DRC9: variants seen among roughly 807,000 people sequenced by gnomAD.
DRC9 encodes the protein dynein regulatory complex subunit 9.
chr3:197,900,864 A>G, the DRC9 span, among the ~76,000 whole-genome samples: 2 of 152,164 alleles, frequency 1.3e-5, no homozygotes, highest in Admixed American at 1.3e-4. This position sits in a 1 kb window ranked among gnomAD's most constrained non-coding sequence, Gnocchi z 4.7. Context: ...ACTGCCTTGT[A>G]GGGGAGGGCC....
the DRC9 span, chr3:197,926,135 G>C: frequency 7.7e-5 from 99 of 1,281,404 alleles, no homozygotes; most frequent in East Asian, 2.1e-3. Flanking sequence ...TTTGTGTTTA[G>C]AGCAGTGCTT....
At chr3:197,920,327 G>C in the DRC9 span, among the ~76,000 whole-genome samples, 1 of 146,840 alleles carries the variant, frequency 6.8e-6, no homozygotes, top group African/African-American at 2.7e-5. Flanking sequence ...AGTAATCCTA[G>C]TTACTTGGGA....
chr3:197,950,871 G>T, the DRC9 span: 1 of 1,504,324 alleles, frequency 6.6e-7, no homozygotes, highest in South Asian at 1.1e-5. Context: ...GGGCTTAAAC[G>T]AGAGGGGACG....
At chr3:197,953,514 GTCTT>G in the DRC9 span, 1 of 456,546 alleles carries the variant, frequency 2.2e-6, no homozygotes, top group Non-Finnish European at 4.4e-6. Context: ...GGTGTCTTCA[GTCTT>G]TCTTCCGGCC....
chr3:197,924,814 G>A, the DRC9 span, among the ~76,000 whole-genome samples: 12 of 152,164 alleles, frequency 7.9e-5, no homozygotes, highest in African/African-American at 2.4e-4. Flanking sequence ...CACCGCGCCC[G>A]GCCATCCTCT....
the DRC9 span, chr3:197,912,815 G>A: frequency 2.3e-6 from 3 of 1,314,272 alleles, no homozygotes; most frequent in African/African-American, 2.9e-5. Flanking sequence ...TTCTCAAGAT[G>A]AGAGCAGCAG....
the DRC9 span, among the ~76,000 whole-genome samples, chr3:197,943,539 T>C: frequency 6.6e-6 from 1 of 151,434 alleles, no homozygotes; most frequent in Non-Finnish European, 1.5e-5. Context: ...CCCAGGAGGC[T>C]GAGGTGGGAG....
At chr3:197,932,271 T>C in the DRC9 span, 2 of 1,612,258 alleles carry the variant, frequency 1.2e-6, no homozygotes, top group South Asian at 1.1e-5. Flanking sequence ...AACTCCTTAA[T>C]GGTATCTGCA....
chr3:197,893,328 G>A, the DRC9 span, among the ~76,000 whole-genome samples: 9 of 128,546 alleles, frequency 7.0e-5, no homozygotes, highest in Non-Finnish European at 1.4e-4. Context: ...TTGCACTCCA[G>A]CCTGGGCAAT....
the DRC9 span, among the ~76,000 whole-genome samples, chr3:197,904,023 CATATATAT>C: frequency 1.0e-5 from 1 of 96,440 alleles, no homozygotes; most frequent in Admixed American, 9.2e-5. Context: ...TATATACATA[CATATATAT>C]ATACATACAT....
At chr3:197,957,891 A>C in the DRC9 span, 1 of 152,232 alleles carries the variant, frequency 6.6e-6, no homozygotes, top group African/African-American at 2.4e-5. Context: ...AGAGGAAGAA[A>C]TAGGGCGGCA....
the DRC9 span, chr3:197,932,210 C>G: frequency 6.2e-7 from 1 of 1,613,332 alleles, no homozygotes; most frequent in South Asian, 1.1e-5. Context: ...TTTGTTTTCC[C>G]TCTCTTTGCT....
chr3:197,926,218 T>C, the DRC9 span: 1 of 657,538 alleles, frequency 1.5e-6, no homozygotes, highest in Non-Finnish European at 2.8e-6. Flanking sequence ...CCCCAGAGAA[T>C]CTGACTCAGC....
At chr3:197,899,714 G>C in the DRC9 span, among the ~76,000 whole-genome samples, 3 of 152,054 alleles carry the variant, frequency 2.0e-5, no homozygotes, top group African/African-American at 7.2e-5. Context: ...CAGAGTGAGA[G>C]GGCGAAATAG....
the DRC9 span, chr3:197,955,979 G>A: frequency 5.3e-6 from 3 of 566,190 alleles, no homozygotes; most frequent in South Asian, 3.9e-5. Flanking sequence ...GTTTTAATGC[G>A]AGTATCTTTG....
the DRC9 span, among the ~76,000 whole-genome samples, chr3:197,937,505 C>T: frequency 6.6e-6 from 1 of 151,372 alleles, no homozygotes; most frequent in South Asian, 2.1e-4. Flanking sequence ...TGCTCTGTCA[C>T]CCAGGCTGGA....
chr3:197,946,239 T>TC, the DRC9 span, among the ~76,000 whole-genome samples: 1 of 151,654 alleles, frequency 6.6e-6, no homozygotes, highest in African/African-American at 2.4e-5. Flanking sequence ...ATCGAGACCA[T>TC]CCTGGCTAAC....
At chr3:197,922,089 G>C in the DRC9 span, among the ~76,000 whole-genome samples, 1 of 152,164 alleles carries the variant, frequency 6.6e-6, no homozygotes, top group African/African-American at 2.4e-5. Flanking sequence ...TTGTTCCAAG[G>C]CTTGCCTTGG....
chr3:197,900,213 C>T, the DRC9 span, among the ~76,000 whole-genome samples: 1 of 152,188 alleles, frequency 6.6e-6, no homozygotes, highest in African/African-American at 2.4e-5. The surrounding 1 kb of genome is among the most constrained non-coding windows in gnomAD (Gnocchi z 4.7). Context: ...CTACGACCCT[C>T]TACAACCCTT....
Sources: gnomAD v4.1 joint callset for allele counts (sites outside exome capture counted in the v4.1 genomes callset) on GRCh38, gnomAD v4.1.1 for gene constraint, Gnocchi (gnomAD v3.1) non-coding constraint, MANE v1.5 for transcripts, NCBI Gene and HGNC (gene_info 2026-07-23, HGNC 2026-07-21) for gene names.